Variants in TEX11 observed in about 807,000 individuals in gnomAD.
TEX11 encodes the protein testis-expressed protein 11.
A neutral mutation model predicts 84.4 loss-of-function variants in TEX11; 7 were observed. The observed-to-expected ratio is 0.08, with a 90% confidence interval of 0.05 to 0.16. The LOEUF (loss-of-function observed/expected upper bound fraction) is 0.16. TEX11 is among the 10% of genes least tolerant of loss of function. TEX11 has a pLI of 1.00. For missense variants in TEX11, 551 were observed against 660.5 expected (o/e 0.83, Z 1.82); for synonymous variants, 264 against 222.8 (o/e 1.18, Z -1.64).
chrX:70,550,903 TA>T (rs1186896938), intron 28 of TEX11, among the ~76,000 whole-genome samples: 1 of 111,741 alleles, frequency 8.9e-6, no homozygotes, highest in African/African-American at 3.3e-5. Flanking sequence ...CTACTGGATA[TA>T]TACCCAAAAG....
downstream of TEX11, among the ~76,000 whole-genome samples, chrX:70,525,952 G>A (rs746818904): frequency 9.0e-5 from 10 of 111,266 alleles, no homozygotes; most frequent in South Asian, 3.8e-4. Flanking sequence ...CCTTCTCCTC[G>A]GCGCGGCGGG....
At chrX:70,532,157 C>A (rs1428203995) in intron 28 of TEX11, among the ~76,000 whole-genome samples, 1 of 111,943 alleles carries the variant, frequency 8.9e-6, no homozygotes, top group East Asian at 2.8e-4. Context: ...ATAATGCACA[C>A]TAGTTCACTG....
At chrX:70,895,260 A>G (rs2091760581) in intron 2 of TEX11, among the ~76,000 whole-genome samples, 1 of 111,432 alleles carries the variant, frequency 9.0e-6, no homozygotes. Context: ...CATGAGTGAA[A>G]TCCCATTCAC....
chrX:70,753,714 G>A (rs2090846404), intron 9 of TEX11, among the ~76,000 whole-genome samples: 1 of 110,109 alleles, frequency 9.1e-6, no homozygotes, highest in Non-Finnish European at 1.9e-5. Flanking sequence ...AAAACAGGGG[G>A]AAAAATAAAG....
At chrX:70,579,445 C>T (rs1180930741) in intron 25 of TEX11, among the ~76,000 whole-genome samples, 28 of 106,070 alleles carry the variant, frequency 2.6e-4, no homozygotes, top group Non-Finnish European at 4.7e-4. Flanking sequence ...TACAGTAAGC[C>T]GAGATCGCAC....
At chrX:70,805,655 C>T (rs1227766566) in intron 9 of TEX11, among the ~76,000 whole-genome samples, 2 of 112,079 alleles carry the variant, frequency 1.8e-5, no homozygotes, top group South Asian at 7.4e-4. Flanking sequence ...CCCACCTTGG[C>T]CTCCCAAAGT....
chrX:70,515,342 T>C, the TEX11 span, among the ~76,000 whole-genome samples: 3 of 104,105 alleles, frequency 2.9e-5, no homozygotes, highest in Admixed American at 1.1e-4. Context: ...CATTGTTCAG[T>C]TCCCACCTAT....
intron 13 of TEX11, among the ~76,000 whole-genome samples, chrX:70,698,262 C>A (rs1388801505): frequency 9.0e-6 from 1 of 110,873 alleles, no homozygotes; most frequent in Non-Finnish European, 1.9e-5. Flanking sequence ...CTACTGAATG[C>A]TAGATTTTAT....
intron 9 of TEX11, among the ~76,000 whole-genome samples, chrX:70,754,189 G>A (rs972015449): frequency 4.5e-5 from 5 of 110,543 alleles, no homozygotes; most frequent in East Asian, 2.9e-4. Context: ...TTTCTGGACC[G>A]TGAGTGAGAA....
chrX:70,688,002 A>C (rs1237556611), intron 13 of TEX11, among the ~76,000 whole-genome samples: 1 of 111,736 alleles, frequency 8.9e-6, no homozygotes, highest in African/African-American at 3.3e-5. Flanking sequence ...GCGACGTGTA[A>C]GACAACAAAA....
intron 8 of TEX11, among the ~76,000 whole-genome samples, chrX:70,811,457 G>C (rs892750110): frequency 1.5e-4 from 17 of 111,718 alleles, no homozygotes; most frequent in African/African-American, 5.5e-4. Context: ...CCAAGTCTTT[G>C]CTATTGTGAA....
rs764579421 is a variant in TEX11 at position 70,651,571 on chromosome X, G to A, written c.1381-19C>T. Reference sequence around the variant, plus strand: ...CTTTGGCCTGGAAAGAAAAACACTGGGTCATTTTAATAAAATCTACAAGGA... The same window carrying A: ...CTTTGGCCTGGAAAGAAAAACACTGAGTCATTTTAATAAAATCTACAAGGA... On this transcript the variant is annotated intron_variant, in intron 16 of 29. Transcript: ENST00000374333. The A allele has an allele frequency of 4.4e-6, 5 of 1,133,026 alleles. 1 individual carries two copies. In the South Asian group the frequency reaches 9.6e-5, roughly 22 times the overall value. 93.4% of individuals were successfully genotyped at this position (1,133,026 alleles called of 1,213,427 possible). A position where few individuals can be genotyped will look rare whatever the true frequency, so the allele number is the denominator to read the frequency against.
chrX:70,818,962 G>GA (rs1401153479), intron 8 of TEX11, among the ~76,000 whole-genome samples: 38 of 109,755 alleles, frequency 3.5e-4, no homozygotes, highest in South Asian at 1.9e-3. Context: ...AAATGCCCCA[G>GA]AAAAAAAAAT....
chrX:70,736,348 T>A (rs1284112104), intron 11 of TEX11, among the ~76,000 whole-genome samples: 1 of 110,957 alleles, frequency 9.0e-6, no homozygotes, highest in Non-Finnish European at 1.9e-5. Flanking sequence ...TTCTACTAAT[T>A]ACAACTAAGA....
chrX:70,565,544 G>A (rs958022318), intron 25 of TEX11, among the ~76,000 whole-genome samples: 17 of 111,356 alleles, frequency 1.5e-4, no homozygotes, highest in East Asian at 2.8e-4. Flanking sequence ...TAGGTCTAAC[G>A]TTTAAGTCTT....
intron 16 of TEX11, among the ~76,000 whole-genome samples, chrX:70,666,949 C>T (rs769584788): frequency 1.8e-5 from 2 of 112,240 alleles, no homozygotes; most frequent in Non-Finnish European, 3.8e-5. Flanking sequence ...ATCACCCTTT[C>T]CTGCTTAGTT....
chrX:70,853,809 T>C (rs1388487006), intron 5 of TEX11, among the ~76,000 whole-genome samples: 1 of 111,991 alleles, frequency 8.9e-6, no homozygotes. Context: ...TATCCCAACA[T>C]GCACAAAAAT....
At chrX:70,681,741 C>T (rs2090149404) in intron 14 of TEX11, among the ~76,000 whole-genome samples, 1 of 110,280 alleles carries the variant, frequency 9.1e-6, no homozygotes, top group Non-Finnish European at 1.9e-5. Flanking sequence ...AAAGTGCTAC[C>T]ATCAAAATGT....
intron 25 of TEX11, among the ~76,000 whole-genome samples, chrX:70,580,770 T>C (rs1393975579): frequency 1.8e-5 from 2 of 112,009 alleles, no homozygotes; most frequent in Non-Finnish European, 3.8e-5. Context: ...TTTAAGATTA[T>C]GAAAGATGTA....
Sources: allele counts gnomAD v4.1 joint callset (sites outside exome capture counted in the v4.1 genomes callset), GRCh38; gene constraint gnomAD v4.1.1; transcripts MANE v1.5; gene names NCBI Gene and HGNC (gene_info 2026-07-23, HGNC 2026-07-21).